Variants in DNAH8 observed in about 807,000 individuals in gnomAD.
The protein encoded by DNAH8 is dynein axonemal heavy chain 8.
DNAH8 carries 382 observed loss-of-function variants against 562.1 expected under a neutral mutation model. That is an observed-to-expected ratio of 0.68 (90% CI 0.63 to 0.74). The LOEUF (loss-of-function observed/expected upper bound fraction) is 0.74. Among genes scored for constraint, DNAH8 ranks in the 30% least tolerant of loss-of-function variants. The pLI is 0.00. For missense variants in DNAH8, 5,203 were observed against 5,620.4 expected (o/e 0.93, Z 2.37); for synonymous variants, 1,881 against 1,919.4 (o/e 0.98, Z 0.52).
At chr6:38,748,550 C>G (rs1233613697) in intron 8 of DNAH8, among the ~76,000 whole-genome samples, 1 of 151,952 alleles carries the variant, frequency 6.6e-6, no homozygotes, top group Admixed American at 6.6e-5. Flanking sequence ...CATCTCTGAC[C>G]AATTCTCAAG....
intron 5 of DNAH8, among the ~76,000 whole-genome samples, chr6:38,736,161 C>T (rs868569943): frequency 6.6e-6 from 1 of 152,036 alleles, no homozygotes; most frequent in South Asian, 2.1e-4. Context: ...GTGGACTTTT[C>T]TCTCTGGAAG....
chr6:38,740,030 A>G (rs946288501), intron 7 of DNAH8, among the ~76,000 whole-genome samples: 2 of 152,198 alleles, frequency 1.3e-5, no homozygotes, highest in Non-Finnish European at 2.9e-5. Flanking sequence ...TGTCATATAT[A>G]AAGTTGTTAG....
rs1438548911 is a variant in DNAH8 at position 38,766,719 on chromosome 6, A to G, written c.1618-3694A>G. Among the ~76,000 whole-genome samples the G allele has an allele frequency of 2.6e-5, 4 of 152,110 alleles. No homozygotes were observed. In the East Asian group the frequency reaches 7.7e-4, roughly 29 times the overall value. ...AAGTAATTCACACCCCCCACCCCAA[A>G]AAATAACTATGTGAAGTGAGGATGT... On this transcript the variant is annotated intron_variant, in intron 11 of 92. Transcript: ENST00000327475.
intron 48 of DNAH8, 46 bp downstream of exon 48, chr6:38,868,242 TC>T: frequency 2.6e-6 from 4 of 1,560,226 alleles, no homozygotes; most frequent in Non-Finnish European, 3.5e-6. Context: ...TAATATTGTT[TC>T]TTTCTATTTG....
intron 88 of DNAH8, among the ~76,000 whole-genome samples, chr6:38,999,714 A>G (rs1211384477): frequency 6.6e-6 from 1 of 151,912 alleles, no homozygotes; most frequent in Non-Finnish European, 1.5e-5. Flanking sequence ...GAATCCTGTG[A>G]AAATATCCTA....
At chr6:38,986,860 GT>G (rs142588081) in intron 87 of DNAH8, among the ~76,000 whole-genome samples, 23,778 of 152,124 alleles carry the variant, frequency 0.16, 1,989 homozygotes, top group African/African-American at 0.2. Flanking sequence ...GAAATTAAGA[GT>G]TTGGTTTTGA....
chr6:38,991,779 C>A (rs945423695), intron 88 of DNAH8, among the ~76,000 whole-genome samples: 1 of 152,174 alleles, frequency 6.6e-6, no homozygotes, highest in African/African-American at 2.4e-5. Context: ...CCTGGAACCT[C>A]CCTCCTCCTA....
chr6:38,758,647 A>G (rs1236729611), intron 10 of DNAH8, among the ~76,000 whole-genome samples: 1 of 151,816 alleles, frequency 6.6e-6, no homozygotes, highest in Non-Finnish European at 1.5e-5. Flanking sequence ...TCTATTCAGT[A>G]TGATATTGGC....
intron 18 of DNAH8, among the ~76,000 whole-genome samples, 160 bp from the exon 19 acceptor site, chr6:38,789,643 A>T (rs558888912): frequency 4.6e-5 from 7 of 152,376 alleles, no homozygotes; most frequent in Non-Finnish European, 7.4e-5. Flanking sequence ...TTACAGGTAC[A>T]GAGAAAGTGT....
chr6:38,786,988 G>A (rs1769219256), intron 18 of DNAH8, 36 bp downstream of exon 18: 2 of 1,446,610 alleles, frequency 1.4e-6, no homozygotes, highest in East Asian at 4.8e-5. Flanking sequence ...ATTTTTGAAG[G>A]AGTTTTTTGG....
chr6:38,921,643 C>A, intron 71 of DNAH8, 137 bp downstream of exon 71: 1 of 999,306 alleles, frequency 1.0e-6, no homozygotes, highest in Non-Finnish European at 1.4e-6. Flanking sequence ...ATCTTTGGTG[C>A]TCAAAATTAT....
rs1199457741 is a variant in DNAH8 at position 38,932,215 on chromosome 6, C to CACACACAT, written c.11457+224_11457+225insACACATAC. On this transcript the variant is annotated intron_variant, in intron 76 of 92. Coordinates refer to ENST00000327475, the MANE Select transcript of DNAH8 (RefSeq NM_001206927.2). ...ACACACACACACACACACACACACACACCCGTCTCTTTCTACTTCTGTCTT... is the reference window on the plus strand; with the variant it reads ...ACACACACACACACACACACACACACACACACATACCCGTCTCTTTCTACTTCTGTCTT... 4.4e-4 allele frequency among the ~76,000 whole-genome samples: 66 copies of CACACACAT among 150,580 alleles called. 1 individual carries two copies. Among genetic ancestry groups the CACACACAT allele is most frequent in the African/African-American group, 1.6e-3 (64 of 40,278 alleles).
At chr6:39,019,180 G>A (rs1561982100) in intron 91 of DNAH8, among the ~76,000 whole-genome samples, 1 of 152,092 alleles carries the variant, frequency 6.6e-6, no homozygotes, top group South Asian at 2.1e-4. Flanking sequence ...CCAGGGAGGA[G>A]GTAAAAGAGG....
At position 38,909,644 on chromosome 6, in the gene DNAH8, TATA is replaced by T; in HGVS notation, c.9644_9646del (p.Asn3215del). On this transcript the variant is annotated inframe_deletion, in exon 65 of 93. Coordinates refer to ENST00000327475, the MANE Select transcript of DNAH8 (RefSeq NM_001206927.2). The stretch of plus-strand genomic sequence containing the variant: ...TGTGGCCTCCTACTTCCTTTCAGAC[TATA>T]ATATTGTCTGCTCTAGTGAAATTAA... 6.2e-7 allele frequency: 1 copy of T among 1,613,806 alleles called. No homozygotes were observed. Among genetic ancestry groups the T allele is most frequent in the African/African-American group, 1.3e-5 (1 of 75,054 alleles).
intron 41 of DNAH8, among the ~76,000 whole-genome samples, chr6:38,854,520 G>A (rs943034301): frequency 6.6e-6 from 1 of 152,104 alleles, no homozygotes; most frequent in African/African-American, 2.4e-5. Flanking sequence ...AACCTTTATT[G>A]GAGAGAATAA....
chr6:38,917,509 T>C (rs1781398427), intron 69 of DNAH8, 103 bp downstream of exon 69: 5 of 949,854 alleles, frequency 5.3e-6, no homozygotes, highest in South Asian at 3.5e-5. Flanking sequence ...TAATTGATCA[T>C]TGCGTATTGA....
At chr6:38,752,694 C>T (rs1765568416) in intron 9 of DNAH8, among the ~76,000 whole-genome samples, 1 of 152,024 alleles carries the variant, frequency 6.6e-6, no homozygotes, top group South Asian at 2.1e-4. Flanking sequence ...AGTTTATAAT[C>T]TTTCCAAGAG....
chr6:39,020,828 T>C (rs976398161), intron 91 of DNAH8, among the ~76,000 whole-genome samples: 49 of 152,302 alleles, frequency 3.2e-4, no homozygotes, highest in Middle Eastern at 3.4e-3. Context: ...TTCATTCATG[T>C]CCCTGCAAAG....
chr6:38,802,885 CA>C, intron 21 of DNAH8, among the ~76,000 whole-genome samples: 1 of 152,250 alleles, frequency 6.6e-6, no homozygotes, highest in East Asian at 1.9e-4. Flanking sequence ...TCCACCCCTT[CA>C]GCCTTCTTTC....
Sources: gnomAD v4.1 joint callset for allele counts (sites outside exome capture counted in the v4.1 genomes callset) on GRCh38, gnomAD v4.1.1 for gene constraint, MANE v1.5 for transcripts, NCBI Gene and HGNC (gene_info 2026-07-23, HGNC 2026-07-21) for gene names.